Variants in LHFPL3 observed in about 807,000 individuals in gnomAD.
The protein encoded by LHFPL3 is LHFPL tetraspan subfamily member 3 protein.
A neutral mutation model predicts 19.3 loss-of-function variants in LHFPL3; 5 were observed. That is an observed-to-expected ratio of 0.26 (90% confidence interval 0.14 to 0.54). The LOEUF is 0.54. Among genes scored for constraint, LHFPL3 ranks in the 20% least tolerant of loss-of-function variants. The pLI is 0.94. For synonymous variants in LHFPL3, 133 were observed against 126.2 expected, an observed-to-expected ratio of 1.05 and a Z score of -0.36; for missense variants, 249 against 307.4, an observed-to-expected ratio of 0.81 and a Z score of 1.42.
At chr7:104,508,474 G>T (rs36200432) in intron 1 of LHFPL3, among the ~76,000 whole-genome samples, 4 of 108,508 alleles carry the variant, frequency 3.7e-5, no homozygotes, top group African/African-American at 7.2e-5. Flanking sequence ...TGGGGGGAGG[G>T]GGGAGGGATA....
intron 2 of LHFPL3, among the ~76,000 whole-genome samples, chr7:104,798,792 T>C: frequency 6.6e-6 from 1 of 152,208 alleles, no homozygotes; most frequent in East Asian, 1.9e-4. Context: ...CTCTTCCATA[T>C]ATTCATCTAC....
chr7:104,450,846 T>C (rs1384445148), intron 1 of LHFPL3, among the ~76,000 whole-genome samples: 1 of 152,224 alleles, frequency 6.6e-6, no homozygotes, highest in Non-Finnish European at 1.5e-5. Context: ...TTGTGCTCTG[T>C]GTTTGCCTTC....
chr7:104,862,193 G>A (rs926632251), intron 2 of LHFPL3, among the ~76,000 whole-genome samples: 1 of 151,980 alleles, frequency 6.6e-6, no homozygotes, highest in East Asian at 1.9e-4. Flanking sequence ...TCCCCAAAAT[G>A]CCATAGTCTG....
intron 2 of LHFPL3, among the ~76,000 whole-genome samples, chr7:104,865,906 G>C (rs1395528881): frequency 6.6e-6 from 1 of 152,218 alleles, no homozygotes; most frequent in Non-Finnish European, 1.5e-5. Context: ...CCAGAAGAGA[G>C]TGGGGGCCAA....
At chr7:104,822,971 A>G (rs559297137) in intron 2 of LHFPL3, among the ~76,000 whole-genome samples, 11 of 152,248 alleles carry the variant, frequency 7.2e-5, no homozygotes, top group Admixed American at 2.0e-4. Flanking sequence ...ACACAAAACC[A>G]AAGTACCTTG....
chr7:104,761,232 TA>T (rs1358463245), intron 2 of LHFPL3, among the ~76,000 whole-genome samples: 2 of 152,186 alleles, frequency 1.3e-5, no homozygotes, highest in African/African-American at 2.4e-5. Flanking sequence ...ATACTTTTCA[TA>T]ATAGATGCCT....
chr7:104,625,103 A>G (rs1433333675), intron 1 of LHFPL3, among the ~76,000 whole-genome samples: 4 of 152,238 alleles, frequency 2.6e-5, no homozygotes, highest in African/African-American at 9.6e-5. Context: ...TTATCAAAAC[A>G]TCTCTGCAAA....
intron 1 of LHFPL3, among the ~76,000 whole-genome samples, chr7:104,589,401 T>C (rs1364150972): frequency 1.3e-5 from 2 of 152,222 alleles, no homozygotes; most frequent in African/African-American, 4.8e-5. Flanking sequence ...TCTGTTTATA[T>C]GATGGATTAC....
intron 2 of LHFPL3, among the ~76,000 whole-genome samples, chr7:104,878,787 A>G (rs150430479): frequency 5.8e-4 from 88 of 152,350 alleles, no homozygotes; most frequent in African/African-American, 2.0e-3. Context: ...TTGAATGCAA[A>G]GAAAAACTTC....
At chr7:104,382,377 G>A (rs10280415) in intron 1 of LHFPL3, among the ~76,000 whole-genome samples, 105,415 of 152,112 alleles carry the variant, frequency 0.69, 37,967 homozygotes, top group African/African-American at 0.9. Context: ...AATCCCACCC[G>A]CTTGGGAGGG....
intron 1 of LHFPL3, among the ~76,000 whole-genome samples, chr7:104,386,095 C>T (rs1168719087): frequency 6.6e-6 from 1 of 152,192 alleles, no homozygotes; most frequent in African/African-American, 2.4e-5. Context: ...CCTCCCCCAG[C>T]TCCGTGGTAG....
intron 1 of LHFPL3, among the ~76,000 whole-genome samples, chr7:104,721,220 G>A (rs777233868): frequency 9.9e-5 from 15 of 152,172 alleles, no homozygotes; most frequent in Non-Finnish European, 1.9e-4. Context: ...AAAAAAGGAT[G>A]AGTTCATGTC....
chr7:104,623,586 C>T (rs62484576), intron 1 of LHFPL3, among the ~76,000 whole-genome samples: 2,827 of 152,322 alleles, frequency 0.019, 44 homozygotes, highest in Middle Eastern at 0.031. Flanking sequence ...GCTGAGATCA[C>T]GCCTCTGCAT....
intron 1 of LHFPL3, among the ~76,000 whole-genome samples, chr7:104,686,643 G>A (rs544240804): frequency 2.6e-5 from 4 of 152,110 alleles, no homozygotes; most frequent in African/African-American, 9.7e-5. Context: ...TGAGGGCTCA[G>A]TCTCACAAGA....
At chr7:104,858,705 T>C (rs1464916007) in intron 2 of LHFPL3, among the ~76,000 whole-genome samples, 1 of 152,180 alleles carries the variant, frequency 6.6e-6, no homozygotes, top group Non-Finnish European at 1.5e-5. Context: ...TATTCTCATC[T>C]CTGTATCTGT....
At chr7:104,651,270 A>T (rs2115939939) in intron 1 of LHFPL3, among the ~76,000 whole-genome samples, 1 of 152,368 alleles carries the variant, frequency 6.6e-6, no homozygotes, top group Non-Finnish European at 1.5e-5. Flanking sequence ...TAAAACTGGC[A>T]GAAATTTGAA....
chr7:104,588,906 T>G (rs1330911146), intron 1 of LHFPL3, among the ~76,000 whole-genome samples: 1 of 7,956 alleles, frequency 1.3e-4, no homozygotes, highest in African/African-American at 1.5e-4. Context: ...ACTCAAGATT[T>G]GGCTCTCTGT....
At chr7:104,689,574 G>C (rs12111636) in intron 1 of LHFPL3, among the ~76,000 whole-genome samples, 16,587 of 152,174 alleles carry the variant, frequency 0.11, 1,025 homozygotes, top group African/African-American at 0.13. Context: ...CCCTTAAGGA[G>C]GGACCCCACT....
intron 2 of LHFPL3, among the ~76,000 whole-genome samples, chr7:104,750,526 C>T (rs538511974): frequency 8.4e-4 from 128 of 152,370 alleles, no homozygotes; most frequent in African/African-American, 2.9e-3. Context: ...ATCAACCACA[C>T]CAATATGAAT....
Sources: allele counts gnomAD v4.1 joint callset (sites outside exome capture counted in the v4.1 genomes callset), GRCh38; gene constraint gnomAD v4.1.1; transcripts MANE v1.5; gene names NCBI Gene and HGNC (gene_info 2026-07-23, HGNC 2026-07-21).